Variants in RARB observed in about 807,000 individuals in gnomAD.
The protein encoded by RARB is retinoic acid receptor beta.
Under a neutral mutation model 51.9 loss-of-function variants are expected in RARB, and 17 were observed. That is an observed-to-expected ratio of 0.33 (90% CI 0.22 to 0.49). The LOEUF is 0.49. Among genes scored for constraint, RARB ranks in the 20% least tolerant of loss-of-function variants. RARB has a pLI of 0.99. For synonymous variants in RARB, 215 were observed against 195.4 expected (o/e 1.10, Z -0.84); for missense variants, 369 against 550.8 (o/e 0.67, Z 3.30).
intron 5 of RARB, among the ~76,000 whole-genome samples, chr3:25,213,071 A>G (rs982416431): frequency 1.3e-5 from 2 of 152,060 alleles, no homozygotes; most frequent in African/African-American, 2.4e-5. Flanking sequence ...TCACAACAGT[A>G]TTTTTTTAAC....
intron 2 of RARB, among the ~76,000 whole-genome samples, chr3:24,919,698 C>CT (rs1397970253): frequency 1.3e-5 from 2 of 152,198 alleles, no homozygotes; most frequent in South Asian, 2.1e-4. Flanking sequence ...GTTTAGGTAT[C>CT]TTTTCTAAAA....
At chr3:25,585,743 A>G (rs979706471) in intron 5 of RARB, among the ~76,000 whole-genome samples, 7 of 152,202 alleles carry the variant, frequency 4.6e-5, no homozygotes. Context: ...TAAAAGAGCC[A>G]CTGCCTATGT....
At position 24,967,525 on chromosome 3, in the gene RARB, C is replaced by T. The variant is rs114999548; in HGVS notation, c.-379-92600C>T. Among the ~76,000 whole-genome samples, 378 of 152,236 alleles carry T rather than the reference C, an allele frequency of 2.5e-3. 1 individual carries two copies. The highest frequency in any genetic ancestry group is 3.4e-3 in the Middle Eastern group (1 of 294). ...CCAAGTGTAGTGTTTCTCCGACATGCATGCATCTTTCAGCAGATTTGCCAG... is the reference window on the plus strand; with the variant it reads ...CCAAGTGTAGTGTTTCTCCGACATGTATGCATCTTTCAGCAGATTTGCCAG... On this transcript the variant is annotated intron_variant, in intron 2 of 11. Transcript: ENST00000383772.
At chr3:25,448,912 T>C (rs1709067565) in intron 1 of RARB, among the ~76,000 whole-genome samples, 1 of 151,710 alleles carries the variant, frequency 6.6e-6, no homozygotes, top group Non-Finnish European at 1.5e-5. Flanking sequence ...CCCAGACATC[T>C]TGGGAAAAGA....
chr3:25,140,726 T>A (rs55809331), intron 4 of RARB, among the ~76,000 whole-genome samples: 12,559 of 152,192 alleles, frequency 0.083, 648 homozygotes, highest in Non-Finnish European at 0.13. Flanking sequence ...CAGCATTGCA[T>A]GTTACAGAGA....
chr3:24,869,638 T>G (rs1010532080), intron 2 of RARB, among the ~76,000 whole-genome samples: 2 of 152,150 alleles, frequency 1.3e-5, no homozygotes, highest in African/African-American at 4.8e-5. Context: ...TTGTGATGTT[T>G]AAATATCTGC....
chr3:25,181,804 T>C (rs1436237), intron 5 of RARB, among the ~76,000 whole-genome samples: 72,469 of 151,932 alleles, frequency 0.48, 17,943 homozygotes, highest in East Asian at 0.7. Context: ...TTGGGAACTC[T>C]TCTGAGAGTC....
chr3:25,377,554 T>G (rs1706502666), intron 5 of RARB, among the ~76,000 whole-genome samples: 1 of 152,224 alleles, frequency 6.6e-6, no homozygotes, highest in African/African-American at 2.4e-5. Flanking sequence ...AGAGTTAAAT[T>G]AAGTCATCTT....
At chr3:25,462,841 T>C (rs537144802) in intron 2 of RARB, among the ~76,000 whole-genome samples, 56 of 152,164 alleles carry the variant, frequency 3.7e-4, no homozygotes, top group Non-Finnish European at 7.9e-4. Context: ...CCTGGCTTGT[T>C]CGCAGAGGCA....
At chr3:25,192,716 A>G (rs1701134452) in intron 5 of RARB, among the ~76,000 whole-genome samples, 1 of 152,058 alleles carries the variant, frequency 6.6e-6, no homozygotes, top group Admixed American at 6.6e-5. Context: ...ACAATCCTGA[A>G]CCACAAAACA....
chr3:24,952,710 C>T (rs545075426), intron 2 of RARB, among the ~76,000 whole-genome samples: 4 of 152,016 alleles, frequency 2.6e-5, no homozygotes, highest in Non-Finnish European at 2.9e-5. Flanking sequence ...TCAAAGCTCT[C>T]GCTCCCCCAT....
intron 2 of RARB, among the ~76,000 whole-genome samples, chr3:25,461,559 G>A (rs936832858): frequency 6.6e-6 from 1 of 152,126 alleles, no homozygotes; most frequent in African/African-American, 2.4e-5. Flanking sequence ...AAGGTTCTAA[G>A]GCCCTTAAAT....
chr3:25,068,133 C>CAAAAA lies in RARB; in HGVS notation c.-328+7996_-328+8000dup, dbSNP rs55826425. Among the ~76,000 whole-genome samples the CAAAAA allele has an allele frequency of 4.8e-4, 16 of 33,264 alleles. 3 individuals are homozygous for CAAAAA. The highest frequency in any genetic ancestry group is 4.8e-4 in the Non-Finnish European group (9 of 18,830). The allele number at this position is 33,264 out of a possible 152,430, so 21.8% of individuals were successfully genotyped here. On this transcript the variant is annotated intron_variant, in intron 3 of 11. Coordinates refer to the RARB transcript ENST00000383772. The stretch of plus-strand genomic sequence containing the variant: ...TGGGCGACAGAGAGAGACTCCATCT[C>CAAAAA]AAAAAAAAAAAAAAAAAAAAAAAAA...
chr3:25,454,634 C>T (rs538952625), intron 1 of RARB, among the ~76,000 whole-genome samples: 40 of 152,120 alleles, frequency 2.6e-4, no homozygotes, highest in Admixed American at 1.7e-3. Context: ...AACCTAAAAT[C>T]CTGAAATCTG....
chr3:25,306,973 C>G (rs1704168211), intron 5 of RARB, among the ~76,000 whole-genome samples: 1 of 152,096 alleles, frequency 6.6e-6, no homozygotes, highest in Non-Finnish European at 1.5e-5. Context: ...GCTCCCCACG[C>G]TAAGAGAGAT....
At chr3:25,269,086 C>A (rs1468447785) in intron 5 of RARB, among the ~76,000 whole-genome samples, 1 of 151,872 alleles carries the variant, frequency 6.6e-6, no homozygotes, top group Non-Finnish European at 1.5e-5. Flanking sequence ...TATCTTTTAC[C>A]CTCCAATAAA....
chr3:24,901,962 C>A (rs959594574), intron 2 of RARB, among the ~76,000 whole-genome samples: 21 of 151,706 alleles, frequency 1.4e-4, no homozygotes, highest in African/African-American at 5.1e-4. Flanking sequence ...ACTGCAATTA[C>A]TTTTGCACCA....
At chr3:25,145,038 C>G (rs2125338627) in intron 4 of RARB, among the ~76,000 whole-genome samples, 1 of 152,274 alleles carries the variant, frequency 6.6e-6, no homozygotes, top group Non-Finnish European at 1.5e-5. Context: ...AGGCTGTGGG[C>G]TCTATCGTCA....
At chr3:25,204,685 G>T (rs1209700677) in intron 5 of RARB, among the ~76,000 whole-genome samples, 1 of 152,180 alleles carries the variant, frequency 6.6e-6, no homozygotes, top group African/African-American at 2.4e-5. Context: ...TTTGCTGGAG[G>T]TTCACTCCAG....
Sources: gnomAD v4.1 joint callset for allele counts (sites outside exome capture counted in the v4.1 genomes callset) on GRCh38, gnomAD v4.1.1 for gene constraint, MANE v1.5 for transcripts, NCBI Gene and HGNC (gene_info 2026-07-23, HGNC 2026-07-21) for gene names.